The following DPP10 variants were observed in gnomAD, a reference collection of about 807,000 sequenced individuals.
The protein encoded by DPP10 is inactive dipeptidyl peptidase 10.
In DPP10, 33 loss-of-function variants were observed where a neutral mutation model predicts 120.9. The ratio of observed to expected loss-of-function variants is 0.27; its 90% CI spans 0.21 to 0.37. The LOEUF is 0.37. Among genes scored for constraint, DPP10 ranks in the 10% least tolerant of loss-of-function variants. The pLI is 1.00. For missense variants in DPP10, 816 were observed against 942.8 expected (o/e 0.87, Z 1.76); for synonymous variants, 337 against 326.1 (o/e 1.03, Z -0.36).
chr2:115,384,599 GAGGAAGAAGA>G (rs144019345), intron 3 of DPP10, among the ~76,000 whole-genome samples: 3,842 of 145,602 alleles, frequency 0.026, 58 homozygotes, highest in South Asian at 0.057. Context: ...AAGGAAGAAG[GAGGAAGAAGA>G]AGTGAAGGAA....
chr2:115,426,418 ATT>A (rs2070460342), intron 3 of DPP10, among the ~76,000 whole-genome samples: 1 of 75,862 alleles, frequency 1.3e-5, no homozygotes, highest in Non-Finnish European at 2.5e-5. Flanking sequence ...TCAACATGAG[ATT>A]CTCACCAGGT....
intron 1 of DPP10, among the ~76,000 whole-genome samples, chr2:115,127,808 G>A (rs900776323): frequency 2.6e-5 from 4 of 152,148 alleles, no homozygotes; most frequent in African/African-American, 4.8e-5. Context: ...CAGCCATGGT[G>A]TAAGCTGACA....
chr2:114,876,049 A>G (rs991222354), intron 1 of DPP10, among the ~76,000 whole-genome samples: 4 of 152,136 alleles, frequency 2.6e-5, no homozygotes, highest in Non-Finnish European at 5.9e-5. Flanking sequence ...AACTACGGAT[A>G]AAGTAAATGA....
intron 1 of DPP10, among the ~76,000 whole-genome samples, chr2:115,287,592 G>A (rs2060454887): frequency 6.6e-6 from 1 of 152,020 alleles, no homozygotes; most frequent in Admixed American, 6.6e-5. Context: ...ATGGCCTCCA[G>A]TTCTACTCAA....
At chr2:114,940,474 T>C (rs1048236510) in intron 1 of DPP10, among the ~76,000 whole-genome samples, 1 of 151,232 alleles carries the variant, frequency 6.6e-6, no homozygotes, top group African/African-American at 2.4e-5. Context: ...ACCTGAAATA[T>C]AAATTTCTGG....
intron 1 of DPP10, among the ~76,000 whole-genome samples, chr2:115,135,468 C>T (rs2050604621): frequency 6.6e-6 from 1 of 152,102 alleles, no homozygotes; most frequent in Non-Finnish European, 1.5e-5. Flanking sequence ...ATTCCATTTT[C>T]AAGGTCAGCG....
chr2:114,586,981 G>C (rs1558907948), intron 1 of DPP10, among the ~76,000 whole-genome samples: 1 of 152,136 alleles, frequency 6.6e-6, no homozygotes, highest in Non-Finnish European at 1.5e-5. Flanking sequence ...AAAACCATAA[G>C]TCAAACCTCT....
At chr2:115,283,150 G>A (rs1462716600) in intron 1 of DPP10, among the ~76,000 whole-genome samples, 3 of 151,890 alleles carry the variant, frequency 2.0e-5, no homozygotes, top group African/African-American at 7.3e-5. Flanking sequence ...TATTTCCCAA[G>A]TGCAAAGACA....
intron 1 of DPP10, among the ~76,000 whole-genome samples, chr2:114,454,180 G>C (rs566562206): frequency 2.0e-5 from 3 of 152,252 alleles, no homozygotes; most frequent in South Asian, 2.1e-4. Context: ...AATCGGGAGA[G>C]AAAAGAATAC....
chr2:115,676,692 A>G (rs1642925191), intron 5 of DPP10, among the ~76,000 whole-genome samples: 2 of 152,246 alleles, frequency 1.3e-5, no homozygotes, highest in Admixed American at 6.5e-5. Context: ...TACGGGACGT[A>G]TAAGAGGACA....
chr2:114,676,129 T>C (rs569345958), intron 1 of DPP10, among the ~76,000 whole-genome samples: 3 of 152,264 alleles, frequency 2.0e-5, no homozygotes, highest in South Asian at 2.1e-4. Flanking sequence ...TAACTGTATC[T>C]GAAGATTTAG....
intron 3 of DPP10, among the ~76,000 whole-genome samples, chr2:115,444,772 T>C (rs965536): frequency 0.29 from 43,913 of 152,120 alleles, 6,928 homozygotes; most frequent in East Asian, 0.41. Flanking sequence ...TGCAAACATA[T>C]GTACACTTTC....
chr2:115,791,164 C>G lies in DPP10; in HGVS notation c.1615C>G (p.His539Asp). The change falls in exon 18 of 26, where the codon CAT becomes GAT. Residue 539 changes from histidine to aspartate, a missense_variant. This residue lies in a region of DPP10 where 592 missense variants were observed against 649.0 expected (regional missense o/e 0.91). Coordinates refer to ENST00000410059, the MANE Select transcript of DPP10 (RefSeq NM_020868.6). ...AGGAAAGCCAGAAATTAAAATCCTTCATATTGACGACTATGGTAAAATTTT... is the reference window on the plus strand; with the variant it reads ...AGGAAAGCCAGAAATTAAAATCCTTGATATTGACGACTATGGTAAAATTTT... The part of the protein sequence containing the change: ...KIGKPEIKIL[H>D]IDDYELPLQL... 6.2e-7 allele frequency: 1 copy of G among 1,613,424 alleles called. No homozygotes were observed.
intron 3 of DPP10, among the ~76,000 whole-genome samples, chr2:115,447,378 G>A (rs1423970155): frequency 6.6e-6 from 1 of 152,154 alleles, no homozygotes; most frequent in Admixed American, 6.5e-5. Flanking sequence ...AGACTTTTGG[G>A]TTACTGCTGG....
intron 3 of DPP10, among the ~76,000 whole-genome samples, chr2:115,452,725 T>C (rs1361261130): frequency 6.6e-6 from 1 of 151,902 alleles, no homozygotes. Flanking sequence ...CATTTGTTCT[T>C]ACCCAACTTT....
intron 1 of DPP10, among the ~76,000 whole-genome samples, chr2:114,658,134 G>A (rs924197744): frequency 3.3e-5 from 5 of 152,168 alleles, no homozygotes; most frequent in African/African-American, 4.8e-5. Flanking sequence ...GTATGTGTGT[G>A]CACATGTGCA....
intron 1 of DPP10, among the ~76,000 whole-genome samples, chr2:115,179,439 T>C (rs967281578): frequency 6.6e-6 from 1 of 152,150 alleles, no homozygotes; most frequent in African/African-American, 2.4e-5. Context: ...TACGTTTTCT[T>C]ATATACCGTG....
Position 115,569,970 on chromosome 2 carries a change from TATC to T in DPP10, c.441+44003_441+44005del, listed in dbSNP as rs1171331600. On this transcript the variant is annotated intron_variant, in intron 5 of 25. Coordinates refer to ENST00000410059, the MANE Select transcript of DPP10 (RefSeq NM_020868.6). ...AAAATAATCAGAAAACAAATTTTTA[TATC>T]ATCAAGTATTGTTTAAATCAAGTTT... Among the ~76,000 whole-genome samples, 12 of 152,358 alleles carry T rather than the reference TATC, an allele frequency of 7.9e-5. No individual in the cohort carries two copies. The South Asian group carries it at 1.0e-3, about 13-fold the overall frequency.
intron 1 of DPP10, among the ~76,000 whole-genome samples, chr2:115,099,515 G>C (rs962174159): frequency 3.3e-5 from 5 of 152,134 alleles, no homozygotes; most frequent in Non-Finnish European, 1.5e-5. Flanking sequence ...ATGTTAATGG[G>C]GCTTTTGTGG....
Sources: gnomAD v4.1 joint callset for allele counts (sites outside exome capture counted in the v4.1 genomes callset) on GRCh38, gnomAD v4.1.1 for gene constraint, gnomAD v4.1.1 regional missense constraint, MANE v1.5 for transcripts, NCBI Gene and HGNC (gene_info 2026-07-23, HGNC 2026-07-21) for gene names.